Variants in KCNN2 observed in about 807,000 individuals in gnomAD.
The protein encoded by KCNN2 is potassium calcium-activated channel subfamily N member 2, also known as small conductance calcium-activated potassium channel protein 2.
A neutral mutation model predicts 55.5 loss-of-function variants in KCNN2; 24 were observed. The ratio of observed to expected loss-of-function variants is 0.43; its 90% CI spans 0.31 to 0.61. The LOEUF (loss-of-function observed/expected upper bound fraction) is 0.61, where lower values mean the gene tolerates loss of function less well. Among genes scored for constraint, KCNN2 ranks in the 20% least tolerant of loss-of-function variants. KCNN2 has a pLI of 0.08. For missense variants in KCNN2, 754 were observed against 853.6 expected, an observed-to-expected ratio of 0.88 and a Z score of 1.45; for synonymous variants, 431 against 336.1, an observed-to-expected ratio of 1.28 and a Z score of -3.09.
intron 1 of KCNN2, among the ~76,000 whole-genome samples, chr5:114,133,364 TATAATG>T (rs1301492489): frequency 6.6e-6 from 1 of 152,238 alleles, no homozygotes. Context: ...TTCTTAAAAT[TATAATG>T]ATAATAGTAG....
intron 3 of KCNN2, among the ~76,000 whole-genome samples, chr5:114,412,085 T>C (rs1226704775): frequency 1.3e-5 from 2 of 152,204 alleles, no homozygotes; most frequent in African/African-American, 4.8e-5. Flanking sequence ...ATTTTGTAAC[T>C]AGACAGATTT....
chr5:114,333,770 A>C (rs1580728364), intron 2 of KCNN2, among the ~76,000 whole-genome samples: 1 of 152,312 alleles, frequency 6.6e-6, no homozygotes, highest in East Asian at 1.9e-4. Context: ...TAAGTCAATA[A>C]ATTCAACAAA....
intron 3 of KCNN2, among the ~76,000 whole-genome samples, chr5:114,423,365 A>G (rs1759525982): frequency 6.6e-6 from 1 of 152,216 alleles, no homozygotes; most frequent in African/African-American, 2.4e-5. Flanking sequence ...ACAAGAAGAA[A>G]AACAGAATGG....
At chr5:114,348,842 C>T (rs759813616) in intron 2 of KCNN2, among the ~76,000 whole-genome samples, 5 of 152,090 alleles carry the variant, frequency 3.3e-5, no homozygotes, top group Non-Finnish European at 7.4e-5. Context: ...TTGATACTTT[C>T]ATTTTAGCAT....
At chr5:114,253,739 T>G (rs1160254288) in intron 2 of KCNN2, 1 of 152,238 alleles carries the variant, frequency 6.6e-6, no homozygotes, top group African/African-American at 2.4e-5. Context: ...GGAGGAGATC[T>G]TATTTACATT....
chr5:114,456,556 C>T (rs1285283830), intron 3 of KCNN2, among the ~76,000 whole-genome samples: 1 of 152,126 alleles, frequency 6.6e-6, no homozygotes, highest in Admixed American at 6.6e-5. Flanking sequence ...TTATGACTCT[C>T]AAGTCATATT....
At chr5:114,147,832 A>G (rs1019999255) in intron 1 of KCNN2, among the ~76,000 whole-genome samples, 22 of 152,150 alleles carry the variant, frequency 1.4e-4, no homozygotes, top group African/African-American at 5.3e-4. Flanking sequence ...GCGAGCTTCT[A>G]GGTGCGTTGG....
At chr5:114,165,390 T>G (rs909557039) in intron 1 of KCNN2, among the ~76,000 whole-genome samples, 2 of 152,176 alleles carry the variant, frequency 1.3e-5, no homozygotes, top group Admixed American at 1.3e-4. Context: ...CCTTATGATT[T>G]TCGTTTTTTC....
chr5:114,486,214 G>A (rs1259823374), intron 5 of KCNN2, among the ~76,000 whole-genome samples: 2 of 152,108 alleles, frequency 1.3e-5, no homozygotes, highest in Non-Finnish European at 2.9e-5. Context: ...GAATTAAATG[G>A]AACAACTTCT....
At chr5:114,449,881 C>T (rs915774187) in intron 3 of KCNN2, among the ~76,000 whole-genome samples, 8 of 33,656 alleles carry the variant, frequency 2.4e-4, no homozygotes, top group Admixed American at 8.1e-4. Context: ...TCCAAACATA[C>T]ACACACACAC....
At chr5:114,210,977 T>C (rs1193923631) in intron 1 of KCNN2, among the ~76,000 whole-genome samples, 1 of 152,076 alleles carries the variant, frequency 6.6e-6, no homozygotes, top group African/African-American at 2.4e-5. Context: ...TCAATATCAC[T>C]GATCATTAGA....
At chr5:114,344,209 G>A (rs1024678895) in intron 2 of KCNN2, among the ~76,000 whole-genome samples, 2 of 152,120 alleles carry the variant, frequency 1.3e-5, no homozygotes, top group African/African-American at 4.8e-5. Context: ...TTACTACAAA[G>A]TAAGGAGCCC....
At chr5:114,404,996 CTG>C (rs1339692666) in intron 3 of KCNN2, 140 bp downstream of exon 3, 27 of 660,512 alleles carry the variant, frequency 4.1e-5, no homozygotes, top group Admixed American at 8.3e-5. Flanking sequence ...TTTGAAATGA[CTG>C]TGACAAAGCT....
rs868004245 is a variant in KCNN2, at chr5:114,144,420, C to A, written c.-270-77060C>A. On this transcript the variant is annotated intron_variant, in intron 1 of 10. Coordinates refer to the KCNN2 transcript ENST00000512097. ...ATTGATTGATGTAATGGAACTCCAG[C>A]AGTAGCAGCAGTCACCGTAGCAGCA... 7.2e-5 allele frequency among the ~76,000 whole-genome samples: 11 copies of A among 152,208 alleles called. 1 individual carries two copies. The highest frequency in any genetic ancestry group is 4.1e-4 in the South Asian group (2 of 4,822).
At chr5:114,195,619 C>G (rs1050416883) in intron 1 of KCNN2, among the ~76,000 whole-genome samples, 1 of 151,748 alleles carries the variant, frequency 6.6e-6, no homozygotes, top group Non-Finnish European at 1.5e-5. Flanking sequence ...AATTATGTCA[C>G]CTATGAAGAG....
At position 114,222,975 on chromosome 5, in the gene KCNN2, A is replaced by T. The variant is rs190812264; in HGVS notation, c.-185+1410A>T. Among the ~76,000 whole-genome samples, 30 of 152,286 alleles carry T rather than the reference A, an allele frequency of 2.0e-4. 1 individual carries two copies. The highest frequency in any genetic ancestry group is 1.4e-3 in the Admixed American group (22 of 15,304). ...CAGCAGATGAATGCCATCTCTCATA[A>T]TCTCTATTGAGGTCTCTTCTGCTTT... is the stretch of plus-strand genomic sequence containing the variant. On this transcript the variant is annotated intron_variant, in intron 2 of 10. Transcript: ENST00000512097.
At chr5:114,482,142 G>C (rs909814707) in intron 5 of KCNN2, among the ~76,000 whole-genome samples, 44 of 152,142 alleles carry the variant, frequency 2.9e-4, no homozygotes, top group African/African-American at 1.0e-3. Context: ...TCTGACAAAG[G>C]TGTAATATCC....
At chr5:114,457,136 A>T (rs957735168) in intron 3 of KCNN2, among the ~76,000 whole-genome samples, 22 of 152,210 alleles carry the variant, frequency 1.4e-4, no homozygotes, top group African/African-American at 4.8e-4. Context: ...GAAAGAGTCC[A>T]TTGATGTGGC....
intron 1 of KCNN2, among the ~76,000 whole-genome samples, chr5:114,074,331 C>T (rs560859682): frequency 0.02 from 2,260 of 114,078 alleles, 68 homozygotes; most frequent in African/African-American, 0.079. Flanking sequence ...TGTGTGTGTG[C>T]GCGCGCGCGC....
Sources: allele counts gnomAD v4.1 joint callset (sites outside exome capture counted in the v4.1 genomes callset), GRCh38; gene constraint gnomAD v4.1.1; transcripts MANE v1.5; gene names NCBI Gene and HGNC (gene_info 2026-07-23, HGNC 2026-07-21).